HHIP: variants seen among roughly 807,000 people sequenced by gnomAD.
The protein encoded by HHIP is hedgehog interacting protein.
A neutral mutation model predicts 74.0 loss-of-function variants in HHIP; 12 were observed. That is an observed-to-expected ratio of 0.16 (90% CI 0.10 to 0.26). The LOEUF (loss-of-function observed/expected upper bound fraction) is 0.26, where lower values mean the gene tolerates loss of function less well. HHIP is among the 10% of genes least tolerant of loss of function. The probability of loss-of-function intolerance (pLI) is 1.00; values close to 1 mark genes in which losing one functional copy is unlikely to be tolerated. For synonymous variants in HHIP, 309 were observed against 311.6 expected (o/e 0.99, Z 0.09); for missense variants, 788 against 845.0 (o/e 0.93, Z 0.84).
At chr4:144,705,343 A>G (rs554692625) in intron 4 of HHIP, among the ~76,000 whole-genome samples, 1 of 152,326 alleles carries the variant, frequency 6.6e-6, no homozygotes, top group African/African-American at 2.4e-5. Flanking sequence ...ATGACTGAAC[A>G]TGACCTTGTG....
At chr4:144,685,908 CAA>C (rs1399066445) in intron 4 of HHIP, among the ~76,000 whole-genome samples, 1 of 152,168 alleles carries the variant, frequency 6.6e-6, no homozygotes, top group African/African-American at 2.4e-5. Flanking sequence ...CCAGTCCACC[CAA>C]AGTTTCCCGT....
chr4:144,719,912 T>A (rs1228041773), intron 11 of HHIP, among the ~76,000 whole-genome samples: 1 of 152,234 alleles, frequency 6.6e-6, no homozygotes, highest in Non-Finnish European at 1.5e-5. Context: ...CACTTTAAAA[T>A]ATTCTTTCTC....
intron 4 of HHIP, among the ~76,000 whole-genome samples, chr4:144,688,494 T>C (rs1315293972): frequency 6.6e-6 from 1 of 152,154 alleles, no homozygotes; most frequent in Admixed American, 6.5e-5. Flanking sequence ...TTTTCCTATC[T>C]TGGATGAGTG....
At chr4:144,731,442 G>A (rs765117406) in intron 11 of HHIP, among the ~76,000 whole-genome samples, 11 of 152,016 alleles carry the variant, frequency 7.2e-5, no homozygotes, top group Non-Finnish European at 1.6e-4. Flanking sequence ...ATTTTGAGAT[G>A]GGGTTTCACT....
At chr4:144,721,302 C>A (rs889119371) in intron 11 of HHIP, among the ~76,000 whole-genome samples, 1 of 151,916 alleles carries the variant, frequency 6.6e-6, no homozygotes, top group East Asian at 1.9e-4. Flanking sequence ...CAGACACACA[C>A]AAAAACACAC....
chr4:144,672,253 C>G (rs1729058994), intron 4 of HHIP, among the ~76,000 whole-genome samples: 1 of 152,160 alleles, frequency 6.6e-6, no homozygotes, highest in African/African-American at 2.4e-5. Flanking sequence ...TACCTTGCCT[C>G]ATAGGCCAAT....
intron 4 of HHIP, among the ~76,000 whole-genome samples, chr4:144,684,883 T>C (rs1307047976): frequency 1.3e-5 from 2 of 152,206 alleles, no homozygotes. Context: ...CTGGGTCTTG[T>C]ACACATATTT....
In HHIP at chr4:144,652,725, G is replaced by A. The variant is rs773363775; in HGVS notation, c.400G>A (p.Asp134Asn). 1 of 1,612,942 alleles carries A rather than the reference G, an allele frequency of 6.2e-7. No homozygotes were observed. The highest frequency in any genetic ancestry group is 1.7e-5 in the Admixed American group (1 of 59,952). The change falls in exon 2 of 13, where the codon GAC becomes AAC. Residue 134 changes from aspartate to asparagine, a missense_variant. Physicochemically the swap from Asp to Asn is conservative, Grantham distance 23. Around this residue, in one of 3 missense-constraint regions of HHIP, gnomAD observed 373 missense variants for 366.4 expected, o/e 1.02. Coordinates refer to ENST00000296575, the MANE Select transcript of HHIP (RefSeq NM_022475.3). ...HSPEREVLER[D>N]LVLPLLCKDY... is the part of the protein sequence containing the mutation. ...ACCTGAGAGAGAAGTCTTGGAAAGAGACCTAGTACTTCCTCTGCTCTGCAA... is the reference window on the plus strand; with the variant it reads ...ACCTGAGAGAGAAGTCTTGGAAAGAAACCTAGTACTTCCTCTGCTCTGCAA...
At chr4:144,734,711 T>G (rs1365641319) in intron 11 of HHIP, 30 bp from the exon 12 acceptor site, 1 of 1,496,606 alleles carries the variant, frequency 6.7e-7, no homozygotes, top group South Asian at 1.3e-5. Context: ...TCAAATGGAA[T>G]ACACTTTCAA....
chr4:144,729,940 G>A (rs1007033493), intron 11 of HHIP, among the ~76,000 whole-genome samples: 1 of 152,164 alleles, frequency 6.6e-6, no homozygotes, highest in Non-Finnish European at 1.5e-5. Flanking sequence ...GATTTCTGCA[G>A]TGCTCATTTG....
At chr4:144,690,165 T>G (rs1190988881) in intron 4 of HHIP, among the ~76,000 whole-genome samples, 1 of 152,158 alleles carries the variant, frequency 6.6e-6, no homozygotes, top group Admixed American at 6.5e-5. Flanking sequence ...ATAGATGAAA[T>G]TCATGAAATT....
At chr4:144,683,492 T>A (rs935686172) in intron 4 of HHIP, among the ~76,000 whole-genome samples, 4 of 152,206 alleles carry the variant, frequency 2.6e-5, no homozygotes, top group Admixed American at 1.3e-4. Context: ...AAATTTAAGA[T>A]AATAGTCAAA....
intron 11 of HHIP, among the ~76,000 whole-genome samples, chr4:144,726,929 G>A (rs985759889): frequency 1.3e-5 from 2 of 152,102 alleles, no homozygotes; most frequent in African/African-American, 2.4e-5. Context: ...CTCCTGAAGC[G>A]ACCTCCAGCT....
intron 1 of HHIP, among the ~76,000 whole-genome samples, chr4:144,651,827 A>G (rs890299672): frequency 5.9e-5 from 9 of 152,058 alleles, no homozygotes; most frequent in Non-Finnish European, 7.4e-5. Flanking sequence ...AATAAAAGAC[A>G]TGTCATTGTA....
At chr4:144,688,019 G>A (rs1344200197) in intron 4 of HHIP, among the ~76,000 whole-genome samples, 1 of 151,762 alleles carries the variant, frequency 6.6e-6, no homozygotes, top group South Asian at 2.1e-4. Flanking sequence ...TCTAGCAACT[G>A]GTCGAACCAG....
Position 144,665,007 on chromosome 4 carries a change from G to A in HHIP, c.831+5169G>A, listed in dbSNP as rs76876805. Among the ~76,000 whole-genome samples, 53 of 152,264 alleles carry A rather than the reference G, an allele frequency of 3.5e-4. No individual in the cohort carries two copies. The East Asian group carries it at 7.5e-3, about 22-fold the overall frequency. On this transcript the variant is annotated intron_variant, in intron 4 of 12. Coordinates refer to ENST00000296575, the MANE Select transcript of HHIP (RefSeq NM_022475.3). ...TAGTTTAAAATTCTGGTTACAAACC[G>A]TTTATGTTATGTAAAAATATAAACA...
rs75840906 is a variant in HHIP at position 144,742,987 on chromosome 4, T to C, written c.*5030T>C. On this transcript the variant is annotated 3_prime_UTR_variant, in exon 13 of 13. Transcript: ENST00000296575. ...AAGATATATGTATATATATATACAT[T>C]ATATATATATAATATATATATATTA... 12 of 818 alleles carry C rather than the reference T, an allele frequency of 0.015. No individual in the cohort carries two copies. The highest frequency in any genetic ancestry group is 0.083 in the Admixed American group (1 of 12). 0.1% of individuals were successfully genotyped at this position (818 alleles called of 1,614,324 possible).
intron 4 of HHIP, among the ~76,000 whole-genome samples, chr4:144,681,017 C>T (rs560679137): frequency 2.0e-5 from 3 of 152,154 alleles, no homozygotes; most frequent in South Asian, 2.1e-4. Context: ...AAAAGATACA[C>T]GGTGAAAATG....
chr4:144,711,855 G>T, intron 7 of HHIP, 95 bp from the exon 8 acceptor site: 2 of 1,242,358 alleles, frequency 1.6e-6, no homozygotes, highest in Non-Finnish European at 2.2e-6. Context: ...ATCCTTGCCA[G>T]TCCACAAAGG....
Sources: allele counts gnomAD v4.1 joint callset (sites outside exome capture counted in the v4.1 genomes callset), GRCh38; gene constraint gnomAD v4.1.1; regional missense constraint gnomAD v4.1.1; transcripts MANE v1.5; gene names NCBI Gene and HGNC (gene_info 2026-07-23, HGNC 2026-07-21).